The following STAG3 variants were observed in gnomAD, a reference collection of about 807,000 sequenced individuals.
The protein encoded by STAG3 is cohesin subunit SA-3.
A neutral mutation model predicts 160.7 loss-of-function variants in STAG3; 101 were observed. That is an observed-to-expected ratio of 0.63 (90% CI 0.54 to 0.74). The LOEUF (loss-of-function observed/expected upper bound fraction) is 0.74. STAG3 is among the 30% of genes least tolerant of loss of function. STAG3 has a pLI of 0.00. For synonymous variants in STAG3, 519 were observed against 585.0 expected, an observed-to-expected ratio of 0.89 and a Z score of 1.63; for missense variants, 1,188 against 1,517.4, an observed-to-expected ratio of 0.78 and a Z score of 3.61.
Position 100,214,365 on chromosome 7 carries a change from A to C in STAG3, c.*350A>C. The C allele has an allele frequency of 5.8e-6, 2 of 344,184 alleles. No homozygotes were observed. The highest frequency in any genetic ancestry group is 6.1e-5 in the East Asian group (1 of 16,378). The allele number at this position is 344,184 out of a possible 1,614,324, so 21.3% of individuals were successfully genotyped here. On this transcript the variant is annotated 3_prime_UTR_variant, in exon 34 of 34. Transcript: ENST00000615138. Reference sequence around the variant, plus strand: ...TTTGTGTCCTAATGATTCGCTCAATAAACATGTTTGAATCCACACGTTCCC... The same window carrying C: ...TTTGTGTCCTAATGATTCGCTCAATCAACATGTTTGAATCCACACGTTCCC...
At chr7:100,200,362 G>A (rs1297265090) in intron 17 of STAG3, 34 bp downstream of exon 17, 1 of 1,613,290 alleles carries the variant, frequency 6.2e-7, no homozygotes, top group Non-Finnish European at 8.5e-7. Context: ...ATCACACCAA[G>A]AGAAGTGAAA....
chr7:100,211,617 C>A, intron 31 of STAG3, 78 bp downstream of exon 31: 1 of 1,520,288 alleles, frequency 6.6e-7, no homozygotes, highest in Non-Finnish European at 9.1e-7. Context: ...TCACCCATTG[C>A]CTCTCTGTGG....
intron 32 of STAG3, chr7:100,213,147 A>T: frequency 4.4e-6 from 1 of 229,330 alleles, no homozygotes; most frequent in Non-Finnish European, 7.4e-6. Flanking sequence ...GAGGAGAAAC[A>T]GCAAGCTAGC....
intron 26 of STAG3, 26 bp from the exon 27 acceptor site, chr7:100,204,601 A>C (rs1239105968): frequency 6.2e-7 from 1 of 1,606,898 alleles, no homozygotes; most frequent in African/African-American, 1.3e-5. Context: ...TCCCTTTCCC[A>C]CATGCACCAT....
chr7:100,193,698 C>A (rs947550548), intron 8 of STAG3, among the ~76,000 whole-genome samples: 21 of 152,176 alleles, frequency 1.4e-4, no homozygotes, highest in African/African-American at 5.1e-4. Flanking sequence ...GGACATTGAT[C>A]TGGATTGGGC....
downstream of STAG3, chr7:100,219,022 G>C (rs1413319398): frequency 1.3e-5 from 2 of 153,416 alleles, no homozygotes; most frequent in African/African-American, 4.8e-5. Flanking sequence ...AAAACCTGTA[G>C]TGTGCAAAGG....
At chr7:100,217,727 C>G (rs940561189), downstream of STAG3, among the ~76,000 whole-genome samples, 2 of 152,100 alleles carry the variant, frequency 1.3e-5, no homozygotes, top group African/African-American at 4.8e-5. Context: ...GGGTCTTTAC[C>G]TTTTAGGTAG....
intron 5 of STAG3, among the ~76,000 whole-genome samples, chr7:100,188,044 C>T (rs1336984936): frequency 6.6e-6 from 1 of 152,232 alleles, no homozygotes; most frequent in Non-Finnish European, 1.5e-5. Flanking sequence ...GCATGACCGA[C>T]TGCACCCGGC....
intron 3 of STAG3, 59 bp downstream of exon 3, chr7:100,182,251 T>TGAA: frequency 7.6e-7 from 1 of 1,322,906 alleles, no homozygotes; most frequent in Non-Finnish European, 1.1e-6. Context: ...CCCAGCTACT[T>TGAA]GGGAGGCTGA....
Position 100,202,306 on chromosome 7 carries a change from C to A in STAG3, c.2529C>A (p.Asp843Glu). Reference protein sequence around the residue: ...LQSELASFLMDHVFIQPGDLG... With the variant: ...LQSELASFLMEHVFIQPGDLG... The stretch of plus-strand genomic sequence containing the variant: ...CTGAGCTAGCCAGCTTCCTCATGGA[C>A]CACGTCTTCATCCAGCCGGGAGACC... The change falls in exon 24 of 34, where the codon GAC (aspartate) becomes GAA (glutamate). Residue 843 changes from aspartate to glutamate, a missense_variant. Physicochemically the swap from Asp to Glu is conservative, Grantham distance 45. Around this residue, in one of 4 missense-constraint regions of STAG3, gnomAD observed 647 missense variants for 717.2 expected, o/e 0.90. Transcript: ENST00000615138. 6.2e-7 allele frequency: 1 copy of A among 1,614,118 alleles called. No individual in the cohort carries two copies. The highest frequency in any genetic ancestry group is 8.5e-7 in the Non-Finnish European group (1 of 1,180,032).
At chr7:100,183,268 C>A (rs934042914) in intron 4 of STAG3, among the ~76,000 whole-genome samples, 3 of 152,122 alleles carry the variant, frequency 2.0e-5, no homozygotes, top group Admixed American at 2.0e-4. Context: ...CCCACCTTGG[C>A]CTCCCAAAGT....
rs1799578919 is a variant in STAG3, at chr7:100,180,564, C to A, written c.8C>A (p.Ser3Tyr). Reference sequence around the variant, plus strand: ...AGCTCCTCCTCTCCAAGCATGTCTTCCCCGTTGCAAAGAGCTGTGGGAGAT... The same window carrying A: ...AGCTCCTCCTCTCCAAGCATGTCTTACCCGTTGCAAAGAGCTGTGGGAGAT... MSSPLQRAVGDTK... is the reference protein window; with the variant it reads MSYPLQRAVGDTK... Residue 3 changes from serine to tyrosine, a missense_variant, in exon 2 of 34, where the codon TCC becomes TAC. Ser to Tyr is a moderately radical substitution (Grantham distance 144). Coordinates refer to ENST00000615138, the MANE Select transcript of STAG3 (RefSeq NM_001282717.2). 1 of 1,604,400 alleles carries A rather than the reference C, an allele frequency of 6.2e-7. No individual in the cohort carries two copies. The highest frequency in any genetic ancestry group is 8.5e-7 in the Non-Finnish European group (1 of 1,171,046).
intron 2 of STAG3, among the ~76,000 whole-genome samples, chr7:100,181,214 G>A (rs888921752): frequency 6.6e-6 from 1 of 152,026 alleles, no homozygotes; most frequent in Non-Finnish European, 1.5e-5. Flanking sequence ...CCATATATGA[G>A]TTTATTCTGT....
intron 8 of STAG3, among the ~76,000 whole-genome samples, chr7:100,194,318 A>G (rs1800544710): frequency 6.6e-6 from 1 of 152,228 alleles, no homozygotes; most frequent in African/African-American, 2.4e-5. Context: ...GGACACTTAA[A>G]AGGGTTATTA....
chr7:100,188,127 C>T (rs4727449), intron 5 of STAG3, among the ~76,000 whole-genome samples: 17,614 of 152,176 alleles, frequency 0.12, 1,309 homozygotes, highest in Non-Finnish European at 0.16. Flanking sequence ...AATTTGGGTC[C>T]ATCCGCTTAA....
downstream of STAG3, among the ~76,000 whole-genome samples, chr7:100,215,781 G>C (rs1013115534): frequency 2.0e-5 from 3 of 152,138 alleles, no homozygotes; most frequent in Admixed American, 2.0e-4. Flanking sequence ...TTGAGAGGCT[G>C]GGTCTAGGTT....
In STAG3 at chr7:100,214,071, G is replaced by A; in HGVS notation, c.*56G>A. On this transcript the variant is annotated 3_prime_UTR_variant, in exon 34 of 34. Coordinates refer to ENST00000615138, the MANE Select transcript of STAG3 (RefSeq NM_001282717.2). Reference sequence around the variant, plus strand: ...CCCTACCTCAAGAATGTGACCATTTGGAAAAGGCAAAGAGAAAAGGAGCAA... The same window carrying A: ...CCCTACCTCAAGAATGTGACCATTTAGAAAAGGCAAAGAGAAAAGGAGCAA... 6.2e-7 allele frequency: 1 copy of A among 1,604,610 alleles called. No homozygotes were observed. The highest frequency in any genetic ancestry group is 8.5e-7 in the Non-Finnish European group (1 of 1,173,282).
rs755190165 is a variant in STAG3 at position 100,213,358 on chromosome 7, AG to A, written c.3601-374del. The A allele has an allele frequency of 1.6e-3, 1,576 of 985,462 alleles. 1 individual carries two copies. The highest frequency in any genetic ancestry group is 1.9e-3 in the Non-Finnish European group (1,537 of 829,926). The allele number at this position is 985,462 out of a possible 1,614,324, so 61.0% of individuals were successfully genotyped here. On this transcript the variant is annotated intron_variant, in intron 32 of 33. Coordinates refer to ENST00000615138, the MANE Select transcript of STAG3 (RefSeq NM_001282717.2). The stretch of plus-strand genomic sequence containing the variant: ...GTTATTCTTCTGTTCTCTTCTCTGC[AG>A]GGAAGGAAAAAGAACAGAATAGAAC...
At position 100,198,828 on chromosome 7, in the gene STAG3, T is replaced by C. The variant is rs1800866780; in HGVS notation, c.1353-15T>C. ...CCTGTTGTGCTGAGCCCTTTCCTCG[T>C]GTCCATTCCACCAGACTCTTCTACC... On this transcript the variant is annotated splice_polypyrimidine_tract_variant and intron_variant, in intron 13 of 33. Coordinates refer to ENST00000615138, the MANE Select transcript of STAG3 (RefSeq NM_001282717.2). 10 of 1,606,642 alleles carry C rather than the reference T, an allele frequency of 6.2e-6. No homozygotes were observed. Among genetic ancestry groups the C allele is most frequent in the Non-Finnish European group, 8.5e-6 (10 of 1,174,904 alleles).
Sources: gnomAD v4.1 joint callset for allele counts (sites outside exome capture counted in the v4.1 genomes callset) on GRCh38, gnomAD v4.1.1 for gene constraint, gnomAD v4.1.1 regional missense constraint, MANE v1.5 for transcripts, NCBI Gene and HGNC (gene_info 2026-07-23, HGNC 2026-07-21) for gene names.